ERCC6: variants seen among roughly 807,000 people sequenced by gnomAD.
ERCC6 encodes the protein ERCC excision repair 6, chromatin remodeling factor.
ERCC6 carries 116 observed loss-of-function variants against 158.7 expected under a neutral mutation model. The ratio of observed to expected loss-of-function variants is 0.73; its 90% confidence interval spans 0.63 to 0.85. The LOEUF (loss-of-function observed/expected upper bound fraction) is 0.85. Among genes scored for constraint, ERCC6 ranks in the 40% least tolerant of loss-of-function variants. The pLI is 0.00. For synonymous variants in ERCC6, 678 were observed against 659.3 expected, an observed-to-expected ratio of 1.03 and a Z score of -0.43; for missense variants, 1,698 against 1,799.4, an observed-to-expected ratio of 0.94 and a Z score of 1.02.
chr10:49,473,179 C>T (rs1478771715), intron 14 of ERCC6, 151 bp from the exon 15 acceptor site: 1 of 1,097,272 alleles, frequency 9.1e-7, no homozygotes, highest in Non-Finnish European at 1.3e-6. Flanking sequence ...GAATCAAAAT[C>T]TCATTTCACA....
chr10:49,528,579 A>G, intron 3 of ERCC6, 54 bp from the exon 4 acceptor site: 1 of 1,594,178 alleles, frequency 6.3e-7, no homozygotes, highest in African/African-American at 1.3e-5. Flanking sequence ...TTTATTGTTA[A>G]ATACAAAAGA....
At position 49,502,215 on chromosome 10, in the gene ERCC6, G is replaced by A. The variant is rs377344809; in HGVS notation, c.1527-1519C>T. 3 of 152,126 alleles carry A rather than the reference G, an allele frequency of 2.0e-5. No individual in the cohort carries two copies. The East Asian group carries it at 5.8e-4, about 29-fold the overall frequency. 9.4% of individuals were successfully genotyped at this position (152,126 alleles called of 1,614,324 possible). ...CCCAGTATTTTGCAAAGCAATTCTA[G>A]AAGTTTGACTCTAGCTGTTCCATTA... On this transcript the variant is annotated intron_variant, in intron 6 of 20. Coordinates refer to ENST00000355832, the MANE Select transcript of ERCC6 (RefSeq NM_000124.4).
At chr10:49,485,452 CTAAATAT>C (rs1554788674) in intron 8 of ERCC6, among the ~76,000 whole-genome samples, 1 of 152,076 alleles carries the variant, frequency 6.6e-6, no homozygotes, top group Non-Finnish European at 1.5e-5. Flanking sequence ...ACAACAAAGC[CTAAATAT>C]TAAACACTTA....
Position 49,461,388 on chromosome 10 carries a change from C to A in ERCC6, c.3947G>T (p.Gly1316Val). The stretch of plus-strand genomic sequence containing the variant: ...TGGTGCACCAGAAATCCCCCTGTGG[C>A]CAGTCCAGGTGGGAACACCAGACAC... ...GAVSGVPTWT[G>V]HRGISGAPAG... Residue 1316 changes from glycine to valine, a missense_variant, in exon 19 of 21, where the codon GGC (glycine) becomes GTC (valine). Coordinates refer to ENST00000355832, the MANE Select transcript of ERCC6 (RefSeq NM_000124.4). The A allele has an allele frequency of 6.2e-7, 1 of 1,613,854 alleles. No individual in the cohort carries two copies.
chr10:49,471,287 C>T (rs541454132), intron 16 of ERCC6, among the ~76,000 whole-genome samples, 167 bp from the exon 17 acceptor site: 5 of 152,242 alleles, frequency 3.3e-5, no homozygotes, highest in African/African-American at 9.6e-5. Context: ...ATATATAATA[C>T]ATCAGTTAAT....
chr10:49,468,997 C>A (rs1230235171), intron 18 of ERCC6, among the ~76,000 whole-genome samples: 1 of 152,002 alleles, frequency 6.6e-6, no homozygotes, highest in African/African-American at 2.4e-5. Context: ...AAAAAAGAAT[C>A]CATTAGTCCA....
At position 49,455,734 on chromosome 10, in the gene ERCC6, G is replaced by A. The variant is rs1041340091; in HGVS notation, c.*3081C>T. The A allele has an allele frequency of 2.0e-5, 3 of 151,970 alleles. No homozygotes were observed. Among genetic ancestry groups the A allele is most frequent in the African/African-American group, 7.3e-5 (3 of 41,332 alleles). The allele number at this position is 151,970 out of a possible 1,614,324, so 9.4% of individuals were successfully genotyped here. ...AACTAGGCCAACATAACACTAATAG[G>A]CAATGTACGGTAGAGATCTACAAAT... On this transcript the variant is annotated 3_prime_UTR_variant, in exon 21 of 21. Coordinates refer to ENST00000355832, the MANE Select transcript of ERCC6 (RefSeq NM_000124.4).
intron 8 of ERCC6, among the ~76,000 whole-genome samples, chr10:49,485,320 A>T (rs569070568): frequency 6.6e-6 from 1 of 152,206 alleles, no homozygotes; most frequent in Non-Finnish European, 1.5e-5. Context: ...AAGGCAGCCA[A>T]ATCCAAAGCT....
intron 8 of ERCC6, among the ~76,000 whole-genome samples, chr10:49,486,553 T>A (rs1309049170): frequency 6.6e-6 from 1 of 152,180 alleles, no homozygotes; most frequent in East Asian, 1.9e-4. Flanking sequence ...GACTGAGATG[T>A]ACAGCATCAG....
rs747941045 is a variant in ERCC6 at position 49,458,991 on chromosome 10, C to T, written c.4306G>A (p.Ala1436Thr). ...TGGCCATCAGTGTGGGCCTGGAAAG[C>T]GATGAAGTTTCTCATCTCCACCAGA... ...DLLVEMRNFI[A>T]FQAHTDGQAS... Residue 1436 changes from alanine to threonine, a missense_variant, in exon 21 of 21, where the codon GCT becomes ACT. Transcript: ENST00000355832. The T allele has an allele frequency of 1.6e-5, 26 of 1,614,018 alleles. No homozygotes were observed. The highest frequency in any genetic ancestry group is 4.5e-5 in the East Asian group (2 of 44,880).
At chr10:49,481,313 T>C (rs999813744) in intron 10 of ERCC6, among the ~76,000 whole-genome samples, 17 of 152,152 alleles carry the variant, frequency 1.1e-4, no homozygotes, top group Non-Finnish European at 2.5e-4. Context: ...TTCTGTTAAG[T>C]TTGAAATTAT....
intron 18 of ERCC6, among the ~76,000 whole-genome samples, chr10:49,466,239 G>C (rs144405680): frequency 1.3e-5 from 2 of 152,102 alleles, no homozygotes; most frequent in Non-Finnish European, 2.9e-5. Context: ...AACAAATATT[G>C]AACTTTAGTT....
At position 49,474,262 on chromosome 10, in the gene ERCC6, A is replaced by C; in HGVS notation, c.2383-20T>G. The stretch of plus-strand genomic sequence containing the variant: ...GAAAATCTGTGGTAAGAAAGAGTAC[A>C]TGTACACTCAGATGACCCCATGTAA... On this transcript the variant is annotated intron_variant, in intron 12 of 20. Coordinates refer to ENST00000355832, the MANE Select transcript of ERCC6 (RefSeq NM_000124.4). 2 of 1,587,284 alleles carry C rather than the reference A, an allele frequency of 1.3e-6. No individual in the cohort carries two copies. Among genetic ancestry groups the C allele is most frequent in the Non-Finnish European group, 1.7e-6 (2 of 1,155,714 alleles).
chr10:49,526,707 G>A lies in ERCC6; in HGVS notation c.652+1710C>T, dbSNP rs754858831. Reference sequence around the variant, plus strand: ...ATTTTGGTTATGTGGTAATTTTGCCGGAGATGAATTTCAACTAATGAAAGA... The same window carrying A: ...ATTTTGGTTATGTGGTAATTTTGCCAGAGATGAATTTCAACTAATGAAAGA... On this transcript the variant is annotated intron_variant, in intron 4 of 20. Transcript: ENST00000355832. Among the ~76,000 whole-genome samples, 7 of 152,230 alleles carry A rather than the reference G, an allele frequency of 4.6e-5. No individual in the cohort carries two copies. In the South Asian group the frequency reaches 1.5e-3, roughly 32 times the overall value.
intron 18 of ERCC6, 64 bp downstream of exon 18, chr10:49,470,118 C>A: frequency 6.9e-7 from 1 of 1,446,594 alleles, no homozygotes; most frequent in East Asian, 2.3e-5. Context: ...ACTGCTACTG[C>A]TAGAAACAGC....
chr10:49,492,752 C>T (rs1479049160), intron 8 of ERCC6, among the ~76,000 whole-genome samples: 1 of 152,144 alleles, frequency 6.6e-6, no homozygotes, highest in African/African-American at 2.4e-5. Flanking sequence ...ACTTCTGTAT[C>T]CACCTTCCTA....
At position 49,511,988 on chromosome 10, in the gene ERCC6, T is replaced by G. The variant is rs745601071; in HGVS notation, c.1398-5976A>C. ...TATGAGGACTAAATGAAATTATGTATGTACATTATACTTTTGAAACTACAT... is the reference window on the plus strand; with the variant it reads ...TATGAGGACTAAATGAAATTATGTAGGTACATTATACTTTTGAAACTACAT... On this transcript the variant is annotated intron_variant, in intron 5 of 20. Transcript: ENST00000355832. 4.6e-5 allele frequency among the ~76,000 whole-genome samples: 7 copies of G among 152,230 alleles called. No homozygotes were observed. In the East Asian group the frequency reaches 1.3e-3, roughly 29 times the overall value.
rs1420639024 is a variant in ERCC6, at chr10:49,473,557, C to T, written c.2629G>A (p.Ala877Thr). 6.2e-7 allele frequency: 1 copy of T among 1,612,386 alleles called. No homozygotes were observed. The highest frequency in any genetic ancestry group is 1.1e-5 in the South Asian group (1 of 91,048). The part of the protein sequence containing the change: ...MLDILEVFLR[A>T]QKYTYLKMDG... ...ATCTTGAGATAGGTATACTTTTGGG[C>T]TCTAAGGAATACTTCAAGTATGTCC... Residue 877 changes from alanine (A) to threonine (T), a missense_variant, in exon 14 of 21, where the codon GCC (alanine) becomes ACC (threonine). Ala to Thr is a moderately conservative substitution (Grantham distance 58). Coordinates refer to ENST00000355832, the MANE Select transcript of ERCC6 (RefSeq NM_000124.4).
At chr10:49,449,830 G>A (rs184170952), downstream of ERCC6, among the ~76,000 whole-genome samples, 40 of 151,800 alleles carry the variant, frequency 2.6e-4, no homozygotes, top group African/African-American at 7.0e-4. Flanking sequence ...GATTACAGGC[G>A]TGAGCCACCG....
Sources: gnomAD v4.1 joint callset for allele counts (sites outside exome capture counted in the v4.1 genomes callset) on GRCh38, gnomAD v4.1.1 for gene constraint, MANE v1.5 for transcripts, NCBI Gene and HGNC (gene_info 2026-07-23, HGNC 2026-07-21) for gene names.